The following CENPP variants were observed in gnomAD, a reference collection of about 807,000 sequenced individuals.
The protein encoded by CENPP is centromere protein P.
In CENPP, 24 loss-of-function variants were observed where a neutral mutation model predicts 35.6. The observed-to-expected ratio is 0.67, with a 90% confidence interval of 0.49 to 0.95. The LOEUF (loss-of-function observed/expected upper bound fraction) is 0.95, where lower values mean the gene tolerates loss of function less well. Ranked by LOEUF, CENPP falls within the 40% of genes least tolerant of loss-of-function variation. CENPP has a pLI of 0.00. For missense variants in CENPP, 332 were observed against 345.3 expected, an observed-to-expected ratio of 0.96 and a Z score of 0.31; for synonymous variants, 120 against 125.5, an observed-to-expected ratio of 0.96 and a Z score of 0.29.
At chr9:92,610,248 G>T (rs934294017) in intron 5 of CENPP, among the ~76,000 whole-genome samples, 1 of 152,138 alleles carries the variant, frequency 6.6e-6, no homozygotes, top group Non-Finnish European at 1.5e-5. Flanking sequence ...TAGAGACAGG[G>T]TTTCACTGTG....
At position 92,331,608 on chromosome 9, in the gene CENPP, G is replaced by T. The variant is rs561976345; in HGVS notation, c.108-562G>T. The stretch of plus-strand genomic sequence containing the variant: ...AGTCCTGTTATAATTTATTTGAAAG[G>T]TGTTTCTAATATGTGGAAATTTGGA... On this transcript the variant is annotated intron_variant, in intron 1 of 7. Coordinates refer to ENST00000375587, the MANE Select transcript of CENPP (RefSeq NM_001012267.3). Among the ~76,000 whole-genome samples the T allele has an allele frequency of 1.6e-4, 25 of 152,326 alleles. 1 individual carries two copies. The highest frequency in any genetic ancestry group is 5.8e-4 in the African/African-American group (24 of 41,578).
intron 5 of CENPP, among the ~76,000 whole-genome samples, chr9:92,548,200 C>G (rs1029879519): frequency 1.4e-5 from 2 of 146,480 alleles, no homozygotes; most frequent in African/African-American, 5.4e-5. Context: ...ATCCACCATG[C>G]TGATGGTTCT....
chr9:92,348,750 T>A (rs1841367765), intron 4 of CENPP, among the ~76,000 whole-genome samples: 1 of 152,204 alleles, frequency 6.6e-6, no homozygotes. Flanking sequence ...CTTTTGTTTC[T>A]CTGGAAAGGT....
At chr9:92,356,498 A>G (rs892019829) in intron 4 of CENPP, among the ~76,000 whole-genome samples, 27 of 152,220 alleles carry the variant, frequency 1.8e-4, no homozygotes, top group Non-Finnish European at 3.8e-4. Context: ...TTTACAATCA[A>G]TTAGTACAGT....
At chr9:92,346,519 G>T (rs1841298618) in intron 4 of CENPP, among the ~76,000 whole-genome samples, 1 of 152,152 alleles carries the variant, frequency 6.6e-6, no homozygotes, top group Non-Finnish European at 1.5e-5. Context: ...ATTAGGTAAG[G>T]TCCATACTAC....
At chr9:92,401,294 T>C (rs1361675366) in intron 5 of CENPP, 1 of 593,414 alleles carries the variant, frequency 1.7e-6, no homozygotes, top group Non-Finnish European at 3.0e-6. Context: ...GGCATTTCCT[T>C]TGTGCTCCAT....
intron 5 of CENPP, among the ~76,000 whole-genome samples, chr9:92,454,017 TAAAG>T (rs757111325): frequency 6.6e-5 from 10 of 152,180 alleles, no homozygotes; most frequent in Non-Finnish European, 1.5e-4. Context: ...TCATAATAGT[TAAAG>T]AAAATCACTT....
At chr9:92,475,076 TC>T in intron 5 of CENPP, 1 of 803,962 alleles carries the variant, frequency 1.2e-6, no homozygotes, top group Non-Finnish European at 1.8e-6. Context: ...GGAAAGCAAT[TC>T]AGCAATGTGC....
At chr9:92,536,501 A>G (rs745738627) in intron 5 of CENPP, 6 of 153,246 alleles carry the variant, frequency 3.9e-5, no homozygotes, top group Non-Finnish European at 7.3e-5. Context: ...GACAACAACA[A>G]AAAAATGGTT....
chr9:92,532,281 A>G (rs1471630801), intron 5 of CENPP, among the ~76,000 whole-genome samples: 1 of 151,332 alleles, frequency 6.6e-6, no homozygotes, highest in Non-Finnish European at 1.5e-5. Context: ...AGATGTTCTC[A>G]TTGTCTTTGG....
At chr9:92,470,440 C>T (rs1291022572) in intron 5 of CENPP, among the ~76,000 whole-genome samples, 1 of 152,140 alleles carries the variant, frequency 6.6e-6, no homozygotes, top group African/African-American at 2.4e-5. Context: ...TTAAACTCAG[C>T]CCACTACATT....
chr9:92,544,070 G>A (rs1849374683), intron 5 of CENPP, among the ~76,000 whole-genome samples: 1 of 152,162 alleles, frequency 6.6e-6, no homozygotes, highest in African/African-American at 2.4e-5. Context: ...CCAGTTTTAT[G>A]TTGAATAGAA....
chr9:92,360,830 G>A (rs939472040), intron 4 of CENPP, among the ~76,000 whole-genome samples: 8 of 148,126 alleles, frequency 5.4e-5, no homozygotes, highest in African/African-American at 1.7e-4. Flanking sequence ...TCAGCCTCCC[G>A]AGTAGCTGGG....
At chr9:92,363,396 T>C (rs1220304793) in intron 4 of CENPP, among the ~76,000 whole-genome samples, 1 of 152,228 alleles carries the variant, frequency 6.6e-6, no homozygotes, top group Non-Finnish European at 1.5e-5. Context: ...TACTGTACCT[T>C]TCCTATGTTT....
intron 4 of CENPP, among the ~76,000 whole-genome samples, chr9:92,378,628 A>G (rs576608462): frequency 6.6e-6 from 1 of 152,334 alleles, no homozygotes; most frequent in East Asian, 1.9e-4. Flanking sequence ...CTCTATCATT[A>G]CTGGTACAGG....
intron 5 of CENPP, chr9:92,415,189 C>T: frequency 1.2e-6 from 2 of 1,611,052 alleles, no homozygotes; most frequent in East Asian, 2.2e-5. Flanking sequence ...GTCAAAGTGC[C>T]CTTCTGCTCC....
intron 5 of CENPP, among the ~76,000 whole-genome samples, chr9:92,475,227 G>C (rs866476692): frequency 6.6e-6 from 1 of 151,954 alleles, no homozygotes; most frequent in African/African-American, 2.4e-5. Flanking sequence ...ATTATATAAT[G>C]GTTAAAGGGG....
At chr9:92,470,040 G>A (rs1845453188) in intron 5 of CENPP, among the ~76,000 whole-genome samples, 1 of 152,228 alleles carries the variant, frequency 6.6e-6, no homozygotes, top group Admixed American at 6.5e-5. Flanking sequence ...TGTTGCCCAG[G>A]CTGATCTCGA....
At chr9:92,403,529 A>G in intron 5 of CENPP, 1 of 1,419,740 alleles carries the variant, frequency 7.0e-7, no homozygotes, top group Non-Finnish European at 9.2e-7. Context: ...AAAAGCTTAG[A>G]GGATGTTTTG....
Sources: allele counts gnomAD v4.1 joint callset (sites outside exome capture counted in the v4.1 genomes callset), GRCh38; gene constraint gnomAD v4.1.1; transcripts MANE v1.5; gene names NCBI Gene and HGNC (gene_info 2026-07-23, HGNC 2026-07-21).